Variants in DNAH11 observed in about 807,000 individuals in gnomAD.
The protein encoded by DNAH11 is axonemal beta dynein heavy chain 11.
Under a neutral mutation model 526.0 loss-of-function variants are expected in DNAH11, and 442 were observed. The ratio of observed to expected loss-of-function variants is 0.84; its 90% CI spans 0.78 to 0.91. The LOEUF is 0.91. Ranked by LOEUF, DNAH11 falls within the 40% of genes least tolerant of loss-of-function variation. The pLI, the probability that DNAH11 is intolerant of heterozygous loss-of-function variation, is 0.00. For missense variants in DNAH11, 6,989 were observed against 5,448.7 expected (o/e 1.28, Z -8.90); for synonymous variants, 2,461 against 1,935.9 (o/e 1.27, Z -7.12).
intron 43 of DNAH11, among the ~76,000 whole-genome samples, chr7:21,720,235 G>T (rs1170185838): frequency 1.3e-5 from 2 of 152,190 alleles, no homozygotes; most frequent in African/African-American, 4.8e-5. Context: ...TGGTTTATCT[G>T]AATGTCCAAC....
chr7:21,748,688 C>T lies in DNAH11; in HGVS notation c.8619C>T (p.Gly2873=), dbSNP rs1451234501. Residue 2873 remains glycine, a synonymous_variant, in exon 52 of 82, where the codon GGC becomes GGT. Coordinates refer to ENST00000409508, the MANE Select transcript of DNAH11 (RefSeq NM_001277115.2). ...SLSRLAAYLR[G]LEVFQITLTE... ...CCAGGCTGGCAGCTTACCTTCGTGG[C>T]CTTGAGGTCTTTCAGATCACTCTGA... The T allele has an allele frequency of 6.2e-7, 1 of 1,613,580 alleles. No individual in the cohort carries two copies. The highest frequency in any genetic ancestry group is 8.5e-7 in the Non-Finnish European group (1 of 1,179,696).
intron 8 of DNAH11, among the ~76,000 whole-genome samples, chr7:21,577,907 A>G (rs76848044): frequency 0.014 from 2,077 of 152,304 alleles, 33 homozygotes; most frequent in Non-Finnish European, 0.017. Context: ...ATTTTAAAGT[A>G]GTGTATTAGT....
At chr7:21,566,577 GTAT>G (rs913587185) in intron 6 of DNAH11, among the ~76,000 whole-genome samples, 17 of 148,188 alleles carry the variant, frequency 1.1e-4, no homozygotes, top group African/African-American at 4.0e-4. Flanking sequence ...TATGACGTAG[GTAT>G]TATTAGTAGC....
intron 47 of DNAH11, among the ~76,000 whole-genome samples, chr7:21,739,131 G>A (rs533762887): frequency 4.6e-5 from 7 of 152,212 alleles, no homozygotes; most frequent in Non-Finnish European, 1.0e-4. Flanking sequence ...AGACTGTCCG[G>A]AAATCATGTC....
rs575709581 is a variant in DNAH11 at position 21,873,447 on chromosome 7, A to T, written c.12141A>T (p.Glu4047Asp). The change falls in exon 74 of 82, where the codon GAA becomes GAT. Residue 4047 changes from glutamate to aspartate, a missense_variant. By Grantham distance (45) the Glu-to-Asp change is conservative (BLOSUM62 2). Transcript: ENST00000409508. ...LLENSIKITN[E>D]PPTGMLANLH... ...AAAATTCCATTAAGATCACTAATGAACCCCCAACAGGGATGCTGGCCAATT... is the reference window on the plus strand; with the variant it reads ...AAAATTCCATTAAGATCACTAATGATCCCCCAACAGGGATGCTGGCCAATT... 6.2e-7 allele frequency: 1 copy of T among 1,613,524 alleles called. No individual in the cohort carries two copies. Among genetic ancestry groups the T allele is most frequent in the Admixed American group, 1.7e-5 (1 of 59,946 alleles).
chr7:21,652,858 G>GTT lies in DNAH11; in HGVS notation c.4945-2967_4945-2966dup, dbSNP rs75666149. Among the ~76,000 whole-genome samples, 5 of 151,870 alleles carry GTT rather than the reference G, an allele frequency of 3.3e-5. No individual in the cohort carries two copies. The East Asian group carries it at 7.8e-4, about 24-fold the overall frequency. On this transcript the variant is annotated intron_variant, in intron 28 of 81. Transcript: ENST00000409508. ...CAAAAGAGGGGCCTACGAAGTATTA[G>GTT]TTTTTTTTAATATTTATTTATTTAT...
At chr7:21,662,371 T>G (rs1408183997) in intron 30 of DNAH11, among the ~76,000 whole-genome samples, 1 of 152,148 alleles carries the variant, frequency 6.6e-6, no homozygotes, top group Non-Finnish European at 1.5e-5. Context: ...TAACATGTCA[T>G]TTATCAAACC....
At chr7:21,729,738 C>G (rs948312404) in intron 45 of DNAH11, among the ~76,000 whole-genome samples, 3 of 139,084 alleles carry the variant, frequency 2.2e-5, no homozygotes, top group African/African-American at 7.9e-5. Flanking sequence ...GAGGTCTCAC[C>G]AGAAGCCTCT....
At chr7:21,643,125 A>G (rs930294460) in intron 28 of DNAH11, among the ~76,000 whole-genome samples, 3 of 152,206 alleles carry the variant, frequency 2.0e-5, no homozygotes, top group Admixed American at 2.0e-4. Flanking sequence ...TGCAATAGCT[A>G]TGGACAACTG....
At chr7:21,559,510 C>T in intron 3 of DNAH11, 93 bp from the exon 4 acceptor site, 1 of 1,011,230 alleles carries the variant, frequency 9.9e-7, no homozygotes, top group African/African-American at 1.7e-5. Flanking sequence ...TTTTAGGAAA[C>T]TAGTTTATGG....
At position 21,687,134 on chromosome 7, in the gene DNAH11, C is replaced by T. The variant is rs1466586645; in HGVS notation, c.5657C>T (p.Thr1886Ile). 3 of 1,613,336 alleles carry T rather than the reference C, an allele frequency of 1.9e-6. No homozygotes were observed. Among genetic ancestry groups the T allele is most frequent in the Non-Finnish European group, 2.5e-6 (3 of 1,179,666 alleles). Residue 1886 changes from threonine (T) to isoleucine (I), a missense_variant, in exon 33 of 82, where the codon ACC (threonine) becomes ATC (isoleucine). Transcript: ENST00000409508. ...YITLTQSLHL[T>I]MSGAPAGPAG... ...ACCTTAACTCAATCACTTCATCTAA[C>T]CATGAGTGGGGCTCCTGCTGGCCCA...
chr7:21,828,923 A>C (rs1790426959), intron 65 of DNAH11, among the ~76,000 whole-genome samples: 1 of 152,202 alleles, frequency 6.6e-6, no homozygotes, highest in African/African-American at 2.4e-5. Flanking sequence ...ACTCATTTCT[A>C]TTCAGGGTTT....
intron 25 of DNAH11, among the ~76,000 whole-genome samples, chr7:21,624,392 T>A (rs920079685): frequency 1.3e-5 from 2 of 152,196 alleles, no homozygotes; most frequent in Non-Finnish European, 2.9e-5. Context: ...GAATGCTGAT[T>A]TTTGTGTGTT....
chr7:21,669,383 G>A (rs1175829905), intron 30 of DNAH11, among the ~76,000 whole-genome samples: 3 of 152,014 alleles, frequency 2.0e-5, no homozygotes, highest in East Asian at 3.9e-4. Flanking sequence ...TGTTTCCCAG[G>A]TTCTCTTGAG....
At position 21,556,485 on chromosome 7, in the gene DNAH11, G is replaced by A. The variant is rs113039121; in HGVS notation, c.496-2317G>A. On this transcript the variant is annotated intron_variant, in intron 2 of 81. Transcript: ENST00000409508. ...AATCTAGAAAACAGTCTCCCAGTAG[G>A]TAATGCATGTTCAGCCCAACAAATC... Among the ~76,000 whole-genome samples, 306 of 152,258 alleles carry A rather than the reference G, an allele frequency of 2.0e-3. 2 individuals are homozygous for A. The highest frequency in any genetic ancestry group is 7.0e-3 in the African/African-American group (292 of 41,566).
chr7:21,625,351 C>G (rs1466359942), intron 25 of DNAH11, among the ~76,000 whole-genome samples: 1 of 152,100 alleles, frequency 6.6e-6, no homozygotes, highest in Non-Finnish European at 1.5e-5. Flanking sequence ...TCTGTCGTAT[C>G]AGTTGTAATA....
At chr7:21,864,030 A>G (rs575186096) in intron 69 of DNAH11, among the ~76,000 whole-genome samples, 2 of 152,278 alleles carry the variant, frequency 1.3e-5, no homozygotes, top group African/African-American at 2.4e-5. Context: ...CCACTTCACA[A>G]TGTGTTTAGT....
intron 67 of DNAH11, among the ~76,000 whole-genome samples, chr7:21,853,053 G>A (rs1465253725): frequency 1.3e-5 from 2 of 152,140 alleles, no homozygotes; most frequent in Admixed American, 1.3e-4. Context: ...CAGGCCTGCC[G>A]TGGCAGGATA....
intron 54 of DNAH11, among the ~76,000 whole-genome samples, chr7:21,759,998 T>A (rs933327358): frequency 6.6e-6 from 1 of 152,204 alleles, no homozygotes; most frequent in Non-Finnish European, 1.5e-5. Context: ...TTGTGAGAAT[T>A]TGAGAAAAGA....
Sources: allele counts gnomAD v4.1 joint callset (sites outside exome capture counted in the v4.1 genomes callset), GRCh38; gene constraint gnomAD v4.1.1; transcripts MANE v1.5; gene names NCBI Gene and HGNC (gene_info 2026-07-23, HGNC 2026-07-21).